The following DNAH12 variants were observed in gnomAD, a reference collection of about 807,000 sequenced individuals.
DNAH12 encodes axonemal beta dynein heavy chain 12.
In DNAH12, 285 loss-of-function variants were observed where a neutral mutation model predicts 371.5. That is an observed-to-expected ratio of 0.77 (90% CI 0.70 to 0.85). The LOEUF (loss-of-function observed/expected upper bound fraction) is 0.85, where lower values mean the gene tolerates loss of function less well. Among genes scored for constraint, DNAH12 ranks in the 40% least tolerant of loss-of-function variants. The pLI is 0.00. For missense variants in DNAH12, 3,611 were observed against 3,689.4 expected (o/e 0.98, Z 0.55); for synonymous variants, 1,200 against 1,213.0 (o/e 0.99, Z 0.22).
At position 57,293,867 on chromosome 3, in the gene DNAH12, C is replaced by T. The variant is rs1301965371; in HGVS notation, c.11797G>A (p.Val3933Ile). The change falls in exon 74 of 74, where the codon GTC becomes ATC. Residue 3933 changes from valine (V) to isoleucine (I), a missense_variant. Transcript: ENST00000495027. ...TCTGTTTTTAACAACATTGCAATGA[C>T]AAAGTTAGTAGAATGTCCCGTAGTG... ...LSTTGHSTNF[V>I]IAMLLKTDQP... 6.5e-7 allele frequency: 1 copy of T among 1,546,844 alleles called. No individual in the cohort carries two copies. Among genetic ancestry groups the T allele is most frequent in the Non-Finnish European group, 8.7e-7 (1 of 1,145,200 alleles).
intron 62 of DNAH12, among the ~76,000 whole-genome samples, chr3:57,324,776 C>T (rs1444796549): frequency 6.6e-6 from 1 of 152,238 alleles, no homozygotes; most frequent in African/African-American, 2.4e-5. Flanking sequence ...GGCATTGCCT[C>T]ACTCGGGAAG....
chr3:57,508,227 C>T lies in DNAH12; in HGVS notation c.701+155G>A, dbSNP rs1446001131. Among the ~76,000 whole-genome samples, 3 of 150,054 alleles carry T rather than the reference C, an allele frequency of 2.0e-5. No homozygotes were observed. The East Asian group carries it at 5.8e-4, about 29-fold the overall frequency. On this transcript the variant is annotated intron_variant, in intron 7 of 73. Coordinates refer to ENST00000495027, the MANE Select transcript of DNAH12 (RefSeq NM_001366028.2). Reference sequence around the variant, plus strand: ...AAAAAAAAAAAAACCAAAAAAAACCCACACAATTGTTGAAACAAACAAGAT... The same window carrying T: ...AAAAAAAAAAAAACCAAAAAAAACCTACACAATTGTTGAAACAAACAAGAT...
At chr3:57,486,035 C>A (rs2066913341) in intron 12 of DNAH12, among the ~76,000 whole-genome samples, 1 of 151,844 alleles carries the variant, frequency 6.6e-6, no homozygotes, top group South Asian at 2.1e-4. Context: ...GCCTGACCAA[C>A]ATGATGAAAC....
chr3:57,479,114 A>G (rs2066642593), intron 13 of DNAH12, among the ~76,000 whole-genome samples: 1 of 149,118 alleles, frequency 6.7e-6, no homozygotes, highest in Non-Finnish European at 1.5e-5. Context: ...GCTCCAATTA[A>G]AAGACACAGA....
chr3:57,369,739 G>A (rs2063130802), intron 55 of DNAH12, among the ~76,000 whole-genome samples: 1 of 152,144 alleles, frequency 6.6e-6, no homozygotes, highest in Non-Finnish European at 1.5e-5. Context: ...CCTGTTTAAA[G>A]AGATATTATT....
In DNAH12 at chr3:57,461,449, C is replaced by T. The variant is rs772379951; in HGVS notation, c.2736+40G>A. 4.9e-5 allele frequency: 75 copies of T among 1,537,772 alleles called. No homozygotes were observed. The East Asian group carries it at 7.4e-4, about 15-fold the overall frequency. ...GCGTATATGTAATAGGATTGCAATCCGTATAAATGACCAAGAGCTGATTAT... is the reference window on the plus strand; with the variant it reads ...GCGTATATGTAATAGGATTGCAATCTGTATAAATGACCAAGAGCTGATTAT... On this transcript the variant is annotated intron_variant, in intron 19 of 73. Transcript: ENST00000495027.
chr3:57,542,017 T>C (rs959231320), intron 2 of DNAH12, among the ~76,000 whole-genome samples: 1 of 152,092 alleles, frequency 6.6e-6, no homozygotes, highest in South Asian at 2.1e-4. Context: ...AATCCATGTA[T>C]TTTTCTTTTT....
At chr3:57,550,270 G>A in the DNAH12 span, among the ~76,000 whole-genome samples, 1 of 151,894 alleles carries the variant, frequency 6.6e-6, no homozygotes, top group Non-Finnish European at 1.5e-5. Flanking sequence ...GAACTATGAC[G>A]ACACCACCAT....
chr3:57,407,114 G>A (rs1161232933), intron 40 of DNAH12, among the ~76,000 whole-genome samples: 1 of 151,972 alleles, frequency 6.6e-6, no homozygotes, highest in African/African-American at 2.4e-5. Flanking sequence ...GGCCAGGATG[G>A]TCTCAATCTC....
intron 4 of DNAH12, among the ~76,000 whole-genome samples, chr3:57,516,350 CCATGCCCGGCCCAT>C (rs2068195520): frequency 6.6e-6 from 1 of 152,126 alleles, no homozygotes; most frequent in Admixed American, 6.5e-5. Context: ...GCATGAGCCA[CCATGCCCGGCCCAT>C]GTACTGCCTA....
At chr3:57,350,943 C>T (rs1262313811) in intron 60 of DNAH12, among the ~76,000 whole-genome samples, 1 of 152,144 alleles carries the variant, frequency 6.6e-6, no homozygotes, top group African/African-American at 2.4e-5. Context: ...ATATGTATCA[C>T]ATACCAAAAC....
At chr3:57,378,860 C>T (rs1470610331) in intron 52 of DNAH12, among the ~76,000 whole-genome samples, 1 of 152,176 alleles carries the variant, frequency 6.6e-6, no homozygotes, top group Non-Finnish European at 1.5e-5. Flanking sequence ...GCTTCTGCCT[C>T]ATCAAATCTT....
At chr3:57,392,860 C>T (rs955212917) in intron 44 of DNAH12, among the ~76,000 whole-genome samples, 2 of 149,718 alleles carry the variant, frequency 1.3e-5, no homozygotes, top group Admixed American at 6.6e-5. Context: ...AATTCCATTC[C>T]CCAAAGGTGA....
At chr3:57,521,686 A>C (rs1290140073) in intron 4 of DNAH12, among the ~76,000 whole-genome samples, 1 of 152,162 alleles carries the variant, frequency 6.6e-6, no homozygotes, top group Non-Finnish European at 1.5e-5. Flanking sequence ...CAGGAGTTCA[A>C]GACCAGCCTG....
intron 60 of DNAH12, among the ~76,000 whole-genome samples, chr3:57,341,464 T>C (rs1553656120): frequency 8.6e-5 from 13 of 151,850 alleles, no homozygotes. Flanking sequence ...ATGAACTAGC[T>C]GGAAAAGAAA....
chr3:57,510,551 A>G (rs999376562), intron 5 of DNAH12, among the ~76,000 whole-genome samples: 3 of 152,072 alleles, frequency 2.0e-5, no homozygotes, highest in Non-Finnish European at 2.9e-5. Context: ...GAGGTAGGGG[A>G]ATCGCTTCAA....
In DNAH12 at chr3:57,482,910, C is replaced by T. The variant is rs150017464; in HGVS notation, c.1650+466G>A. 2.1e-3 allele frequency among the ~76,000 whole-genome samples: 220 copies of T among 104,222 alleles called. 1 individual carries two copies. The highest frequency in any genetic ancestry group is 8.3e-3 in the African/African-American group (208 of 25,152). 68.4% of individuals were successfully genotyped at this position (104,222 alleles called of 152,430 possible). ...ACACAGGAAGGGGAACATCACACAC[C>T]GGGGACTGTTGTGGGGTGGGGGGAG... On this transcript the variant is annotated intron_variant, in intron 13 of 73. Coordinates refer to ENST00000495027, the MANE Select transcript of DNAH12 (RefSeq NM_001366028.2).
At chr3:57,471,346 T>C (rs1467710225) in intron 15 of DNAH12, 126 bp downstream of exon 15, 6 of 731,936 alleles carry the variant, frequency 8.2e-6, no homozygotes, top group Admixed American at 9.0e-5. Flanking sequence ...ATGTAATATA[T>C]AGAAAAATAT....
intron 15 of DNAH12, 94 bp from the exon 16 acceptor site, chr3:57,470,730 T>C (rs968594855): frequency 9.2e-7 from 1 of 1,086,108 alleles, no homozygotes; most frequent in Non-Finnish European, 1.3e-6. Context: ...TCCTTGTATT[T>C]ATACAACAAG....
Sources: gnomAD v4.1 joint callset for allele counts (sites outside exome capture counted in the v4.1 genomes callset) on GRCh38, gnomAD v4.1.1 for gene constraint, MANE v1.5 for transcripts, NCBI Gene and HGNC (gene_info 2026-07-23, HGNC 2026-07-21) for gene names.